GOLM1: variants seen among roughly 807,000 people sequenced by gnomAD.
GOLM1 encodes golgi membrane protein 1.
Under a neutral mutation model 50.5 loss-of-function variants are expected in GOLM1, and 31 were observed. That is an observed-to-expected ratio of 0.61 (90% confidence interval 0.46 to 0.83). The LOEUF (loss-of-function observed/expected upper bound fraction) is 0.83. GOLM1 is among the 40% of genes least tolerant of loss of function. The pLI is 0.00. For missense variants in GOLM1, 491 were observed against 501.3 expected (o/e 0.98, Z 0.20); for synonymous variants, 178 against 192.8 (o/e 0.92, Z 0.64).
At chr9:86,037,438 C>CAAAAA (rs112398885) in intron 6 of GOLM1, among the ~76,000 whole-genome samples, 18 of 59,166 alleles carry the variant, frequency 3.0e-4, no homozygotes, top group African/African-American at 7.1e-4. Context: ...GACTGTCTCT[C>CAAAAA]AAAAAAAAAA....
At chr9:86,047,499 GA>G (rs916902789) in intron 4 of GOLM1, among the ~76,000 whole-genome samples, 34 of 152,156 alleles carry the variant, frequency 2.2e-4, no homozygotes, top group African/African-American at 7.5e-4. Flanking sequence ...GTGGCGAAGA[GA>G]ACAGCTGGGT....
At chr9:86,048,916 T>C (rs956413508) in intron 4 of GOLM1, among the ~76,000 whole-genome samples, 14 of 152,220 alleles carry the variant, frequency 9.2e-5, no homozygotes, top group African/African-American at 3.4e-4. Flanking sequence ...TCTGTTGCCA[T>C]TGCTTTTGGT....
At chr9:86,052,657 T>C in intron 3 of GOLM1, 66 bp from the exon 4 acceptor site, 3 of 1,378,248 alleles carry the variant, frequency 2.2e-6, no homozygotes, top group Non-Finnish European at 3.1e-6. Context: ...CCAGATGTGA[T>C]ACAAACCAAT....
chr9:86,088,777 G>A (rs1835077533), intron 1 of GOLM1, among the ~76,000 whole-genome samples: 1 of 151,738 alleles, frequency 6.6e-6, no homozygotes, highest in South Asian at 2.1e-4. Flanking sequence ...GGTTAATATT[G>A]TTATGTGTGA....
In GOLM1 at chr9:86,088,420, G is replaced by GTGTATATA. The variant is rs1157260470; in HGVS notation, c.-21-9080_-21-9079insTATATACA. 2.0e-3 allele frequency among the ~76,000 whole-genome samples: 172 copies of GTGTATATA among 86,302 alleles called. 3 individuals carry two copies. Among genetic ancestry groups the GTGTATATA allele is most frequent in the African/African-American group, 7.8e-3 (135 of 17,418 alleles). 56.6% of individuals were successfully genotyped at this position (86,302 alleles called of 152,430 possible). A position where few individuals can be genotyped will look rare whatever the true frequency, so the allele number is the denominator to read the frequency against. Reference sequence around the variant, plus strand: ...TGGATTCGTTGTTTTTTTGAAGGGTGTATATATATATATATATATATATAT... The same window carrying GTGTATATA: ...TGGATTCGTTGTTTTTTTGAAGGGTGTGTATATATATATATATATATATATATATATAT... On this transcript the variant is annotated intron_variant, in intron 1 of 9. Transcript: ENST00000388712.
At chr9:86,075,614 T>C (rs1315116658) in intron 3 of GOLM1, among the ~76,000 whole-genome samples, 2 of 152,210 alleles carry the variant, frequency 1.3e-5, no homozygotes, top group Admixed American at 6.5e-5. Context: ...ACAAGTTCCA[T>C]GCCTCCTACC....
Position 86,026,384 on chromosome 9 carries a change from T to TTTAAG in GOLM1, c.*1428_*1432dup, listed in dbSNP as rs145416297. On this transcript the variant is annotated 3_prime_UTR_variant, in exon 10 of 10. Transcript: ENST00000388712. The stretch of plus-strand genomic sequence containing the variant: ...CTAAGGACATCACATATGAAGAATG[T>TTTAAG]TTAAGTTGGAGGTGGCAACGTGAAT... 140 of 985,294 alleles carry TTTAAG rather than the reference T, an allele frequency of 1.4e-4. No individual in the cohort carries two copies. In the East Asian group the frequency reaches 9.6e-3, roughly 67 times the overall value. 61.0% of individuals were successfully genotyped at this position (985,294 alleles called of 1,614,324 possible). A position where few individuals can be genotyped will look rare whatever the true frequency, so the allele number is the denominator to read the frequency against.
intron 1 of GOLM1, among the ~76,000 whole-genome samples, chr9:86,087,856 G>A (rs775426060): frequency 6.6e-6 from 1 of 152,156 alleles, no homozygotes; most frequent in Non-Finnish European, 1.5e-5. Flanking sequence ...TTTTATTGAG[G>A]ATTTCCCCAT....
At chr9:86,050,173 G>A (rs925264008) in intron 4 of GOLM1, among the ~76,000 whole-genome samples, 1 of 152,182 alleles carries the variant, frequency 6.6e-6, no homozygotes, top group African/African-American at 2.4e-5. Context: ...TATGTTTACT[G>A]ATTTGCGTAT....
intron 1 of GOLM1, among the ~76,000 whole-genome samples, chr9:86,086,942 T>G (rs1416483269): frequency 6.6e-6 from 1 of 152,236 alleles, no homozygotes; most frequent in African/African-American, 2.4e-5. Context: ...TGAGCTCTTT[T>G]TTGGTTCCAT....
Position 86,046,474 on chromosome 9 carries a change from C to G in GOLM1, c.463G>C (p.Asp155His). 1 of 1,592,202 alleles carries G rather than the reference C, an allele frequency of 6.3e-7. No homozygotes were observed. ...QTNLERKFSY[D>H]LSQCINQMKE... is the part of the protein sequence containing the mutation. ...CGCGCTCTGAGGTGTACTCACAGGT[C>G]GTAGGAGAACTTCCTCTCCAGGTTG... The change falls in exon 5 of 10, where the codon GAC becomes CAC. Residue 155 changes from aspartate (D) to histidine (H), a missense_variant. Coordinates refer to ENST00000388712, the MANE Select transcript of GOLM1 (RefSeq NM_016548.4).
intron 5 of GOLM1, among the ~76,000 whole-genome samples, chr9:86,046,027 T>C (rs1257520025): frequency 6.6e-6 from 1 of 152,250 alleles, no homozygotes; most frequent in Non-Finnish European, 1.5e-5. Flanking sequence ...TATCAAAGTA[T>C]TCCATTCTCA....
intron 6 of GOLM1, among the ~76,000 whole-genome samples, chr9:86,040,283 C>T (rs758736841): frequency 3.3e-5 from 5 of 152,090 alleles, no homozygotes; most frequent in Non-Finnish European, 5.9e-5. Flanking sequence ...TAAAAAACTA[C>T]TCAAAGATCA....
chr9:86,032,511 T>A (rs1448331116), intron 9 of GOLM1, among the ~76,000 whole-genome samples: 1 of 152,152 alleles, frequency 6.6e-6, no homozygotes, highest in Non-Finnish European at 1.5e-5. Flanking sequence ...TCCATAGTGA[T>A]ACCAAAACAA....
At chr9:86,078,537 TG>T (rs1386235323) in intron 2 of GOLM1, among the ~76,000 whole-genome samples, 1 of 152,068 alleles carries the variant, frequency 6.6e-6, no homozygotes, top group Non-Finnish European at 1.5e-5. Flanking sequence ...GGTAGAAGGA[TG>T]GCTTAGCGGG....
At chr9:86,044,461 G>T (rs1432921530) in intron 5 of GOLM1, among the ~76,000 whole-genome samples, 1 of 152,156 alleles carries the variant, frequency 6.6e-6, no homozygotes, top group African/African-American at 2.4e-5. Flanking sequence ...GATTCTCCCA[G>T]GTTGCTGGTG....
chr9:86,060,655 G>A (rs7849429), intron 3 of GOLM1, among the ~76,000 whole-genome samples: 3,474 of 152,000 alleles, frequency 0.023, 123 homozygotes, highest in African/African-American at 0.079. Flanking sequence ...GCCGAGGCGG[G>A]TGGATCACCT....
intron 9 of GOLM1, among the ~76,000 whole-genome samples, chr9:86,028,848 T>A (rs934412111): frequency 2.1e-5 from 3 of 145,406 alleles, no homozygotes; most frequent in African/African-American, 7.7e-5. Flanking sequence ...GGAACTTTTT[T>A]TTTTTTTTTT....
chr9:86,044,132 C>T (rs1369253010), intron 5 of GOLM1, among the ~76,000 whole-genome samples: 1 of 152,190 alleles, frequency 6.6e-6, no homozygotes, highest in African/African-American at 2.4e-5. Flanking sequence ...CTGACCTCTA[C>T]CCACTAGATG....
Sources: allele counts gnomAD v4.1 joint callset (sites outside exome capture counted in the v4.1 genomes callset), GRCh38; gene constraint gnomAD v4.1.1; transcripts MANE v1.5; gene names NCBI Gene and HGNC (gene_info 2026-07-23, HGNC 2026-07-21).